MRRF: variants seen among roughly 807,000 people sequenced by gnomAD.
The protein encoded by MRRF is mitochondrial ribosome recycling factor.
A neutral mutation model predicts 25.1 loss-of-function variants in MRRF; 18 were observed. The ratio of observed to expected loss-of-function variants is 0.72; its 90% CI spans 0.50 to 1.06. MRRF has a LOEUF of 1.06. Ranked by LOEUF, MRRF falls within the 50% of genes least tolerant of loss-of-function variation. The pLI is 0.00. For synonymous variants in MRRF, 113 were observed against 112.1 expected (o/e 1.01, Z -0.05); for missense variants, 323 against 319.3 (o/e 1.01, Z -0.09).
Position 122,270,836 on chromosome 9 carries a change from G to C in MRRF, c.-28-28G>C, listed in dbSNP as rs759363982. ...GCTTTGTACTTAGATCTTTTACTTA[G>C]ATCTGCTTTTTGTCTTATTCTTTTT... On this transcript the variant is annotated intron_variant, in intron 1 of 6. Transcript: ENST00000344641. 7 of 1,576,562 alleles carry C rather than the reference G, an allele frequency of 4.4e-6. No homozygotes were observed. In the African/African-American group the frequency reaches 9.4e-5, roughly 21 times the overall value.
At chr9:122,283,859 G>A (rs2118722139) in intron 3 of MRRF, among the ~76,000 whole-genome samples, 1 of 152,268 alleles carries the variant, frequency 6.6e-6, no homozygotes, top group Admixed American at 6.5e-5. Context: ...TGTAACTGTG[G>A]CTTTATTGCT....
intron 2 of MRRF, 87 bp from the exon 3 acceptor site, chr9:122,280,356 C>G (rs1199828324): frequency 1.4e-6 from 2 of 1,404,444 alleles, no homozygotes; most frequent in Admixed American, 3.4e-5. Context: ...ACATTTTTCC[C>G]TGTACATAGT....
At chr9:122,309,920 G>C (rs1411731393) in intron 5 of MRRF, among the ~76,000 whole-genome samples, 1 of 152,170 alleles carries the variant, frequency 6.6e-6, no homozygotes, top group Non-Finnish European at 1.5e-5. Context: ...CCATAGCATA[G>C]ATCTTTGCTC....
At position 122,280,509 on chromosome 9, in the gene MRRF, A is replaced by G. The variant is rs766328507; in HGVS notation, c.251A>G (p.Asn84Ser). The G allele has an allele frequency of 9.9e-6, 16 of 1,613,964 alleles. No homozygotes were observed. Among genetic ancestry groups the G allele is most frequent in the Admixed American group, 1.7e-5 (1 of 60,014 alleles). The change falls in exon 3 of 7, where the codon AAC becomes AGC. Residue 84 changes from asparagine to serine, a missense_variant. Transcript: ENST00000344641. Reference protein sequence around the residue: ...INAALVEDIINLEEVNEEMKS... With the variant: ...INAALVEDIISLEEVNEEMKS... ...GCTGCCTTGGTTGAGGATATAATCAACTTGGAAGAGGTGAATGAAGAAATG... is the reference window on the plus strand; with the variant it reads ...GCTGCCTTGGTTGAGGATATAATCAGCTTGGAAGAGGTGAATGAAGAAATG...
Position 122,324,375 on chromosome 9 carries a change from G to A in MRRF, c.*1758G>A, listed in dbSNP as rs1588098126. On this transcript the variant is annotated 3_prime_UTR_variant, in exon 7 of 7. Transcript: ENST00000344641. ...GGCAAGGTTGAGGGAGAGGGAGAGG[G>A]TGTGGAGCTTCCATGCCTTCTCTGG... The A allele has an allele frequency of 6.6e-6, 1 of 152,228 alleles. No individual in the cohort carries two copies. The highest frequency in any genetic ancestry group is 2.4e-5 in the African/African-American group (1 of 41,446). 9.4% of individuals were successfully genotyped at this position (152,228 alleles called of 1,614,324 possible).
chr9:122,302,353 G>A (rs970076528), intron 5 of MRRF, among the ~76,000 whole-genome samples: 14 of 152,102 alleles, frequency 9.2e-5, no homozygotes, highest in African/African-American at 3.4e-4. Context: ...GACTTTGACC[G>A]CAGAACCTTC....
intron 6 of MRRF, among the ~76,000 whole-genome samples, chr9:122,317,205 G>A (rs1209762474): frequency 1.3e-5 from 2 of 151,822 alleles, no homozygotes; most frequent in Non-Finnish European, 2.9e-5. Flanking sequence ...TGTGTTTTTA[G>A]AATATATATG....
At chr9:122,320,576 G>T (rs1835834577) in intron 6 of MRRF, among the ~76,000 whole-genome samples, 1 of 152,182 alleles carries the variant, frequency 6.6e-6, no homozygotes, top group South Asian at 2.1e-4. Context: ...TCAAGGCTTT[G>T]TGGCTAGCTG....
chr9:122,304,577 C>T (rs370915885), intron 5 of MRRF, among the ~76,000 whole-genome samples: 1 of 152,206 alleles, frequency 6.6e-6, no homozygotes, highest in African/African-American at 2.4e-5. Context: ...CTCTGCCCCT[C>T]CTCTCTTCTC....
At chr9:122,297,711 A>G (rs1834178568) in intron 5 of MRRF, among the ~76,000 whole-genome samples, 1 of 152,170 alleles carries the variant, frequency 6.6e-6, no homozygotes, top group Non-Finnish European at 1.5e-5. Context: ...GAAAGAAGTG[A>G]ATGCAGAATG....
chr9:122,290,932 C>T (rs1833719715), intron 4 of MRRF, among the ~76,000 whole-genome samples: 1 of 152,144 alleles, frequency 6.6e-6, no homozygotes, highest in South Asian at 2.1e-4. Flanking sequence ...ACATCAACTC[C>T]ACCTTGTTTG....
rs113619226 is a variant in MRRF at position 122,280,433 on chromosome 9, C to T, written c.185-10C>T. The T allele has an allele frequency of 1.7e-3, 2,713 of 1,613,928 alleles. 40 individuals are homozygous for T. The African/African-American group carries it at 0.032, about 19-fold the overall frequency. On this transcript the variant is annotated splice_polypyrimidine_tract_variant and intron_variant, in intron 2 of 6. Transcript: ENST00000344641. ...GCTGTTGTTTTATTCACTGAATGTTCACTTTTTAGCCAAAGGGAAAGGACA... is the reference window on the plus strand; with the variant it reads ...GCTGTTGTTTTATTCACTGAATGTTTACTTTTTAGCCAAAGGGAAAGGACA...
chr9:122,283,370 G>A (rs1366916693), intron 3 of MRRF, among the ~76,000 whole-genome samples: 6 of 152,174 alleles, frequency 3.9e-5, no homozygotes, highest in Admixed American at 3.9e-4. Flanking sequence ...TGGGATTACA[G>A]GCGTGAGCCA....
intron 6 of MRRF, among the ~76,000 whole-genome samples, chr9:122,316,980 A>G (rs1343047237): frequency 6.6e-6 from 1 of 151,612 alleles, no homozygotes; most frequent in Non-Finnish European, 1.5e-5. Flanking sequence ...TGGCTGCTAA[A>G]TAGTTGGTGG....
chr9:122,307,705 A>G (rs920117438), intron 5 of MRRF, among the ~76,000 whole-genome samples: 1 of 152,184 alleles, frequency 6.6e-6, no homozygotes, highest in African/African-American at 2.4e-5. Flanking sequence ...GAGTTTGGAG[A>G]GGCTGAATAG....
intron 5 of MRRF, among the ~76,000 whole-genome samples, chr9:122,311,925 A>G (rs753404462): frequency 2.2e-4 from 33 of 152,240 alleles, no homozygotes; most frequent in Admixed American, 7.2e-4. Flanking sequence ...CTTTGGCAGA[A>G]CAAAAAAGAG....
intron 5 of MRRF, among the ~76,000 whole-genome samples, chr9:122,305,986 A>G (rs139171659): frequency 2.9e-4 from 44 of 152,314 alleles, no homozygotes; most frequent in Middle Eastern, 3.4e-3. Flanking sequence ...TGAGATCAGT[A>G]TGTTATCTCT....
At chr9:122,297,042 C>T (rs2118848129) in intron 5 of MRRF, among the ~76,000 whole-genome samples, 1 of 152,316 alleles carries the variant, frequency 6.6e-6, no homozygotes, top group African/African-American at 2.4e-5. Flanking sequence ...AGGCTAAGCA[C>T]AGTGGCTTAC....
chr9:122,306,542 G>T (rs1043717151), intron 5 of MRRF, among the ~76,000 whole-genome samples: 1 of 152,170 alleles, frequency 6.6e-6, no homozygotes, highest in African/African-American at 2.4e-5. Context: ...TGACTTCAGA[G>T]CCCGTTCTCT....
Sources: gnomAD v4.1 joint callset for allele counts (sites outside exome capture counted in the v4.1 genomes callset) on GRCh38, gnomAD v4.1.1 for gene constraint, MANE v1.5 for transcripts, NCBI Gene and HGNC (gene_info 2026-07-23, HGNC 2026-07-21) for gene names.